DPY19L2: variants seen among roughly 807,000 people sequenced by gnomAD.
DPY19L2 encodes the protein dpy-19 like 2.
Under a neutral mutation model 97.9 loss-of-function variants are expected in DPY19L2, and 34 were observed. The ratio of observed to expected loss-of-function variants is 0.35; its 90% CI spans 0.26 to 0.46. The LOEUF (loss-of-function observed/expected upper bound fraction) is 0.46, where lower values mean the gene tolerates loss of function less well. DPY19L2 is among the 20% of genes least tolerant of loss of function. The pLI is 1.00. For missense variants in DPY19L2, 623 were observed against 911.4 expected, an observed-to-expected ratio of 0.68 and a Z score of 4.07; for synonymous variants, 230 against 307.9, an observed-to-expected ratio of 0.75 and a Z score of 2.65.
At chr12:63,628,656 C>G (rs1422581113) in intron 6 of DPY19L2, among the ~76,000 whole-genome samples, 1 of 151,942 alleles carries the variant, frequency 6.6e-6, no homozygotes, top group Non-Finnish European at 1.5e-5. Flanking sequence ...CGTTGCCAAA[C>G]AAAAGGCAGC....
chr12:63,627,646 G>A (rs146975623), intron 6 of DPY19L2, among the ~76,000 whole-genome samples: 2,139 of 152,164 alleles, frequency 0.014, 24 homozygotes, highest in Non-Finnish European at 0.021. Context: ...CACCGCACCC[G>A]GCCAAAAACC....
At chr12:63,630,784 G>A (rs7962798) in intron 6 of DPY19L2, among the ~76,000 whole-genome samples, 63,218 of 151,818 alleles carry the variant, frequency 0.42, 13,182 homozygotes, top group South Asian at 0.48. Context: ...GCACCACACC[G>A]CACTTATTCC....
intron 4 of DPY19L2, among the ~76,000 whole-genome samples, chr12:63,655,810 C>A (rs1463012691): frequency 2.0e-5 from 3 of 152,064 alleles, no homozygotes; most frequent in Non-Finnish European, 2.9e-5. Flanking sequence ...ATGGAGGATG[C>A]TTTCTGAGCA....
intron 6 of DPY19L2, among the ~76,000 whole-genome samples, chr12:63,643,131 C>T (rs1273551265): frequency 6.6e-6 from 1 of 151,718 alleles, no homozygotes; most frequent in African/African-American, 2.4e-5. Context: ...TGTAAATTTT[C>T]TTATTATTGC....
At position 63,663,273 on chromosome 12, in the gene DPY19L2, C is replaced by G. The variant is rs1241446172; in HGVS notation, c.450+485G>C. On this transcript the variant is annotated intron_variant, in intron 3 of 21. Transcript: ENST00000324472. Reference sequence around the variant, plus strand: ...TCACAATAATTATGTGAGATATGTACAGCACAAAACTCCATTTTAAAGATT... The same window carrying G: ...TCACAATAATTATGTGAGATATGTAGAGCACAAAACTCCATTTTAAAGATT... 2.0e-5 allele frequency among the ~76,000 whole-genome samples: 3 copies of G among 151,920 alleles called. No homozygotes were observed. In the East Asian group the frequency reaches 5.8e-4, roughly 29 times the overall value.
chr12:63,617,282 A>C, intron 11 of DPY19L2, 22 bp downstream of exon 11: 1 of 1,548,706 alleles, frequency 6.5e-7, no homozygotes, highest in Non-Finnish European at 8.8e-7. Context: ...AAAAAAACCA[A>C]CTTTATGAAC....
At chr12:63,584,503 T>C (rs1412729944) in intron 16 of DPY19L2, among the ~76,000 whole-genome samples, 1 of 152,112 alleles carries the variant, frequency 6.6e-6, no homozygotes, top group Non-Finnish European at 1.5e-5. Flanking sequence ...TTCCAAGAAA[T>C]AAACAATTCC....
chr12:63,610,866 A>AAAAAAAAAC (rs1886865345), intron 11 of DPY19L2, among the ~76,000 whole-genome samples: 1 of 104,122 alleles, frequency 9.6e-6, no homozygotes, highest in Admixed American at 1.2e-4. Context: ...AAAAAAAAAA[A>AAAAAAAAAC]AAAAAAAAAC....
At chr12:63,597,176 T>C (rs1480726209) in intron 14 of DPY19L2, among the ~76,000 whole-genome samples, 1 of 151,110 alleles carries the variant, frequency 6.6e-6, no homozygotes, top group East Asian at 1.9e-4. Flanking sequence ...GTTACCACCA[T>C]GTTGGCCAGG....
At chr12:63,640,730 C>A (rs548256685) in intron 6 of DPY19L2, among the ~76,000 whole-genome samples, 1 of 152,160 alleles carries the variant, frequency 6.6e-6, no homozygotes, top group African/African-American at 2.4e-5. Context: ...GACTATATAA[C>A]CAATTTAGAG....
At chr12:63,616,298 G>A (rs997644353) in intron 11 of DPY19L2, among the ~76,000 whole-genome samples, 2 of 152,176 alleles carry the variant, frequency 1.3e-5, no homozygotes, top group Non-Finnish European at 2.9e-5. Flanking sequence ...AGAGGTAGAT[G>A]AGCACACTAT....
At chr12:63,624,731 C>T (rs11504152) in intron 7 of DPY19L2, among the ~76,000 whole-genome samples, 42,802 of 151,962 alleles carry the variant, frequency 0.28, 6,625 homozygotes, top group African/African-American at 0.43. Flanking sequence ...AATTTTCATA[C>T]GAACTTTAAA....
rs1555189197 is a variant in DPY19L2 at position 63,594,464 on chromosome 12, A to AGAGTGTGTGTGTGTGTGTGTGTGTGT, written c.1534-332_1534-331insACACACACACACACACACACACACTC. Among the ~76,000 whole-genome samples the AGAGTGTGTGTGTGTGTGTGTGTGTGT allele has an allele frequency of 3.5e-4, 44 of 124,932 alleles. 1 individual carries two copies. The highest frequency in any genetic ancestry group is 3.9e-4 in the Non-Finnish European group (24 of 61,304). 82.0% of individuals were successfully genotyped at this position (124,932 alleles called of 152,430 possible). On this transcript the variant is annotated intron_variant, in intron 15 of 21. Coordinates refer to ENST00000324472, the MANE Select transcript of DPY19L2 (RefSeq NM_173812.5). ...CTGCAGGGATGAGAGAGAGAGAGATAGTGTGTGTGTGTGTGTGTGTGTGTG... is the reference window on the plus strand; with the variant it reads ...CTGCAGGGATGAGAGAGAGAGAGATAGAGTGTGTGTGTGTGTGTGTGTGTGTGTGTGTGTGTGTGTGTGTGTGTGTG...
intron 11 of DPY19L2, among the ~76,000 whole-genome samples, chr12:63,610,875 ACCACACACAC>A (rs1886887340): frequency 9.7e-6 from 1 of 103,438 alleles, no homozygotes; most frequent in African/African-American, 3.3e-5. Flanking sequence ...AAAAAAAAAA[ACCACACACAC>A]ACACAAATAT....
At chr12:63,666,614 T>C (rs1896372409) in intron 1 of DPY19L2, 1 of 301,894 alleles carries the variant, frequency 3.3e-6, no homozygotes, top group Non-Finnish European at 6.5e-6. Flanking sequence ...CCACAAACTT[T>C]GCTTTTCTTA....
At chr12:63,587,345 G>A (rs2942607) in intron 16 of DPY19L2, among the ~76,000 whole-genome samples, 1 of 151,758 alleles carries the variant, frequency 6.6e-6, no homozygotes, top group African/African-American at 2.4e-5. Context: ...AACAGATAAA[G>A]TAGAAAAATA....
At chr12:63,620,216 T>C (rs1465548281) in intron 9 of DPY19L2, 4 of 285,304 alleles carry the variant, frequency 1.4e-5, no homozygotes, top group East Asian at 2.0e-4. Context: ...TTACTAGTTA[T>C]GTAGTTGCTT....
intron 4 of DPY19L2, among the ~76,000 whole-genome samples, chr12:63,656,841 ACTT>A (rs568884479): frequency 1.3e-5 from 2 of 151,220 alleles, no homozygotes; most frequent in African/African-American, 2.4e-5. Context: ...GGCATTTTTT[ACTT>A]CTTTTTTTTA....
At position 63,560,616 on chromosome 12, in the gene DPY19L2, T is replaced by C. The variant is rs148896873; in HGVS notation, c.2173A>G (p.Asn725Asp). ...CTACATAAGGGAGGGTTAGCTGCAT[T>C]GGAAGGGTCTTCCACATCCCAGATT... ...LEIWDVEDPS[N>D]AANPPLCSVL... The change falls in exon 22 of 22, where the codon AAT becomes GAT. Residue 725 changes from asparagine (N) to aspartate (D), a missense_variant. Asn to Asp is a conservative substitution (Grantham distance 23). Coordinates refer to ENST00000324472, the MANE Select transcript of DPY19L2 (RefSeq NM_173812.5). 2.0e-5 allele frequency: 33 copies of C among 1,614,042 alleles called. 1 individual carries two copies. The African/African-American group carries it at 3.2e-4, about 16-fold the overall frequency.
Sources: allele counts gnomAD v4.1 joint callset (sites outside exome capture counted in the v4.1 genomes callset), GRCh38; gene constraint gnomAD v4.1.1; transcripts MANE v1.5; gene names NCBI Gene and HGNC (gene_info 2026-07-23, HGNC 2026-07-21).